Variants in KPNA7 observed in about 807,000 individuals in gnomAD.
The protein encoded by KPNA7 is karyopherin subunit alpha 7.
KPNA7 carries 54 observed loss-of-function variants against 53.7 expected under a neutral mutation model. That is an observed-to-expected ratio of 1.01 (90% CI 0.81 to 1.26). The LOEUF is 1.26. Ranked by LOEUF, KPNA7 falls within the 50% of genes most tolerant of loss-of-function variation. The probability of loss-of-function intolerance (pLI) is 0.00; values close to 1 mark genes in which losing one functional copy is unlikely to be tolerated. For synonymous variants in KPNA7, 276 were observed against 259.3 expected (o/e 1.06, Z -0.62); for missense variants, 640 against 644.5 (o/e 0.99, Z 0.07).
chr7:99,146,711 T>TAAAAAAA, the KPNA7 span, among the ~76,000 whole-genome samples: 3 of 70,402 alleles, frequency 4.3e-5, no homozygotes, highest in African/African-American at 1.7e-4. Flanking sequence ...GACTGTGTCT[T>TAAAAAAA]AAAAAAAAAA....
At chr7:99,153,566 G>C in the KPNA7 span, among the ~76,000 whole-genome samples, 2 of 140,200 alleles carry the variant, frequency 1.4e-5, no homozygotes, top group East Asian at 4.1e-4. Context: ...AAAAAAAAAA[G>C]ATCGTTCTTG....
the KPNA7 span, among the ~76,000 whole-genome samples, chr7:99,151,746 T>G: frequency 6.6e-6 from 1 of 151,968 alleles, no homozygotes; most frequent in Admixed American, 6.6e-5. Flanking sequence ...TGTGAGCCAC[T>G]GCACCTGGCC....
chr7:99,159,118 GGCTCCCAAA>G, the KPNA7 span, among the ~76,000 whole-genome samples: 83 of 152,080 alleles, frequency 5.5e-4, no homozygotes, highest in Non-Finnish European at 1.3e-4. Flanking sequence ...GCCCGCCTCA[GGCTCCCAAA>G]GCACTGGGAT....
intron 1 of KPNA7, among the ~76,000 whole-genome samples, 143 bp downstream of exon 1, chr7:99,207,885 C>T (rs1304655792): frequency 1.3e-5 from 2 of 151,854 alleles, no homozygotes; most frequent in African/African-American, 4.8e-5. Flanking sequence ...CCGCCCACCT[C>T]GGCCTCCCAA....
intron 1 of KPNA7, among the ~76,000 whole-genome samples, chr7:99,216,965 T>C (rs1249634126): frequency 6.6e-6 from 1 of 152,176 alleles, no homozygotes; most frequent in Non-Finnish European, 1.5e-5. Flanking sequence ...TTCAGGCCAT[T>C]TTTGAGCTTT....
intron 3 of KPNA7, among the ~76,000 whole-genome samples, chr7:99,201,077 A>C (rs531790125): frequency 6.6e-6 from 1 of 152,334 alleles, no homozygotes; most frequent in South Asian, 2.1e-4. Context: ...TGAACTTTGA[A>C]AACATAAAAG....
chr7:99,165,875 G>A, the KPNA7 span, among the ~76,000 whole-genome samples: 2 of 152,250 alleles, frequency 1.3e-5, no homozygotes, highest in South Asian at 4.1e-4. Context: ...CAAATCTCAT[G>A]TCAAATAGTA....
the KPNA7 span, among the ~76,000 whole-genome samples, chr7:99,147,880 G>A: frequency 0.023 from 3,472 of 151,826 alleles, 134 homozygotes; most frequent in African/African-American, 0.079. Flanking sequence ...ATCTGGGTGA[G>A]GTGGTGCATG....
upstream of KPNA7, among the ~76,000 whole-genome samples, chr7:99,211,014 C>G (rs1020358157): frequency 2.6e-5 from 4 of 151,846 alleles, no homozygotes; most frequent in Non-Finnish European, 5.9e-5. Flanking sequence ...AGAAAGTCAA[C>G]TGACTCTTGT....
chr7:99,184,157 T>A (rs1789444806), intron 8 of KPNA7, among the ~76,000 whole-genome samples: 2 of 119,930 alleles, frequency 1.7e-5, no homozygotes, highest in Admixed American at 1.6e-4. Context: ...CCACAACCTT[T>A]TTTTTTTTTT....
At chr7:99,200,123 G>A (rs977955908) in intron 3 of KPNA7, among the ~76,000 whole-genome samples, 2 of 152,174 alleles carry the variant, frequency 1.3e-5, no homozygotes, top group Non-Finnish European at 2.9e-5. Flanking sequence ...GGATGGTCTT[G>A]AACTCCTGAC....
downstream of KPNA7, among the ~76,000 whole-genome samples, chr7:99,170,268 G>A (rs1176902891): frequency 6.6e-6 from 1 of 152,162 alleles, no homozygotes; most frequent in Non-Finnish European, 1.5e-5. Flanking sequence ...AACAAAGCTA[G>A]GTCGATAGCA....
At chr7:99,168,869 A>T (rs1221111460), downstream of KPNA7, among the ~76,000 whole-genome samples, 1 of 152,150 alleles carries the variant, frequency 6.6e-6, no homozygotes, top group African/African-American at 2.4e-5. Context: ...CTAGCCCTTG[A>T]CATTAGTTTC....
At chr7:99,150,901 T>C in the KPNA7 span, among the ~76,000 whole-genome samples, 1 of 152,168 alleles carries the variant, frequency 6.6e-6, no homozygotes, top group Non-Finnish European at 1.5e-5. Flanking sequence ...TTCTGCTGAG[T>C]CCTGGCGAGG....
downstream of KPNA7, among the ~76,000 whole-genome samples, chr7:99,169,340 C>T (rs1256266120): frequency 6.6e-6 from 1 of 152,066 alleles, no homozygotes; most frequent in Non-Finnish European, 1.5e-5. Flanking sequence ...CTGACCTTGG[C>T]TGGGTACAGT....
downstream of KPNA7, among the ~76,000 whole-genome samples, chr7:99,171,604 T>C (rs1451276242): frequency 6.6e-6 from 1 of 152,152 alleles, no homozygotes; most frequent in African/African-American, 2.4e-5. Context: ...GCCAAATTAA[T>C]TAAACAATTA....
At chr7:99,211,484 C>A (rs1261901886), upstream of KPNA7, among the ~76,000 whole-genome samples, 2 of 152,134 alleles carry the variant, frequency 1.3e-5, no homozygotes, top group Non-Finnish European at 2.9e-5. Context: ...TATGCAAGAT[C>A]AGAACAAGGA....
At position 99,177,914 on chromosome 7, in the gene KPNA7, A is replaced by T. The variant is rs948953342; in HGVS notation, c.1464+6T>A. On this transcript the variant is annotated splice_donor_region_variant and intron_variant, in intron 10 of 10. Transcript: ENST00000327442. The stretch of plus-strand genomic sequence containing the variant: ...GGATACTCCTCCACGCTCCTAAGTC[A>T]CTTACCTCACCAAAGTGCTTCTCGA... 11 of 1,551,602 alleles carry T rather than the reference A, an allele frequency of 7.1e-6. No individual in the cohort carries two copies. Among genetic ancestry groups the T allele is most frequent in the East Asian group, 2.4e-5 (1 of 40,878 alleles).
chr7:99,191,834 G>A, intron 6 of KPNA7, among the ~76,000 whole-genome samples: 1 of 152,130 alleles, frequency 6.6e-6, no homozygotes, highest in East Asian at 1.9e-4. Flanking sequence ...ATTTTTAGTA[G>A]AGATAGGATT....
Sources: allele counts gnomAD v4.1 joint callset (sites outside exome capture counted in the v4.1 genomes callset), GRCh38; gene constraint gnomAD v4.1.1; transcripts MANE v1.5; gene names NCBI Gene and HGNC (gene_info 2026-07-23, HGNC 2026-07-21).